Variants in ACER1 observed in about 807,000 individuals in gnomAD.
The protein encoded by ACER1 is CTB-180A7.3.
A neutral mutation model predicts 24.9 loss-of-function variants in ACER1; 28 were observed. The observed-to-expected ratio is 1.13, with a 90% CI of 0.83 to 1.54. The LOEUF (loss-of-function observed/expected upper bound fraction) is 1.54. Among genes scored for constraint, ACER1 ranks in the 40% most tolerant of loss-of-function variants. The probability of loss-of-function intolerance (pLI) is 0.00; values close to 1 mark genes in which losing one functional copy is unlikely to be tolerated. For missense variants in ACER1, 352 were observed against 349.3 expected, an observed-to-expected ratio of 1.01 and a Z score of -0.06; for synonymous variants, 132 against 131.4, an observed-to-expected ratio of 1.00 and a Z score of -0.03.
upstream of ACER1, among the ~76,000 whole-genome samples, chr19:6,337,634 TTTTTC>T (rs149909430): frequency 0.016 from 2,096 of 128,154 alleles, 70 homozygotes; most frequent in African/African-American, 0.037. Context: ...TTTCTTTTTC[TTTTTC>T]TTTTCTTTTC....
intron 3 of ACER1, 56 bp from the exon 4 acceptor site, chr19:6,309,890 A>T (rs2091569403): frequency 6.9e-6 from 11 of 1,605,460 alleles, no homozygotes; most frequent in Non-Finnish European, 9.4e-6. Flanking sequence ...GATTGTAGGC[A>T]TGGTCACTTG....
At chr19:6,352,954 A>G in the ACER1 span, among the ~76,000 whole-genome samples, 2 of 152,230 alleles carry the variant, frequency 1.3e-5, no homozygotes, top group African/African-American at 4.8e-5. Context: ...GGGCAGGTTG[A>G]TTTGGAGCCA....
At position 6,306,704 on chromosome 19, in the gene ACER1, C is replaced by G. The variant is rs1464737004; in HGVS notation, c.*10G>C. 6.3e-7 allele frequency: 1 copy of G among 1,595,718 alleles called. No homozygotes were observed. Among genetic ancestry groups the G allele is most frequent in the Non-Finnish European group, 8.6e-7 (1 of 1,168,896 alleles). On this transcript the variant is annotated 3_prime_UTR_variant, in exon 6 of 6. Transcript: ENST00000301452. The stretch of plus-strand genomic sequence containing the variant: ...GTTGGGTGGTTGGATAGTCAAGAGG[C>G]TGGCAGGTCTCAGCAGTCCTTGTCA...
intron 1 of ACER1, 82 bp downstream of exon 1, chr19:6,333,377 A>T (rs555980161): frequency 5.9e-6 from 7 of 1,190,838 alleles, no homozygotes; most frequent in Non-Finnish European, 8.2e-6. Flanking sequence ...CTCCAGCAAG[A>T]TTCCCCAGTA....
At chr19:6,318,702 C>T (rs1226112484) in intron 1 of ACER1, among the ~76,000 whole-genome samples, 1 of 150,476 alleles carries the variant, frequency 6.6e-6, no homozygotes, top group Non-Finnish European at 1.5e-5. Flanking sequence ...AGAAGAATGG[C>T]GTGAACCCGG....
At chr19:6,307,336 C>G (rs73559815) in intron 4 of ACER1, 46 bp from the exon 5 acceptor site, 1 of 1,600,546 alleles carries the variant, frequency 6.2e-7, no homozygotes, top group Non-Finnish European at 8.5e-7. Context: ...GAGAGCAGCA[C>G]CTGATGGGGC....
the ACER1 span, among the ~76,000 whole-genome samples, chr19:6,344,897 G>A: frequency 3.4e-5 from 5 of 149,164 alleles, no homozygotes; most frequent in South Asian, 2.1e-4. Context: ...ATGGAGTCTC[G>A]TTCTGTCATC....
At chr19:6,326,348 G>C (rs190415262) in intron 1 of ACER1, among the ~76,000 whole-genome samples, 1 of 151,864 alleles carries the variant, frequency 6.6e-6, no homozygotes, top group Non-Finnish European at 1.5e-5. Flanking sequence ...GGATGGTCTC[G>C]ATCTCCTGAC....
intron 4 of ACER1, among the ~76,000 whole-genome samples, chr19:6,308,383 C>T (rs1175577748): frequency 6.7e-6 from 1 of 148,380 alleles, no homozygotes; most frequent in Admixed American, 6.9e-5. Context: ...TGCAGTGAGC[C>T]GGGATCGCAC....
At chr19:6,318,333 G>T (rs2091613706) in intron 1 of ACER1, among the ~76,000 whole-genome samples, 1 of 151,950 alleles carries the variant, frequency 6.6e-6, no homozygotes, top group Non-Finnish European at 1.5e-5. Flanking sequence ...GCCAGGTGCG[G>T]TGGCGCATGC....
chr19:6,345,174 C>T, the ACER1 span, among the ~76,000 whole-genome samples: 8,607 of 152,190 alleles, frequency 0.057, 405 homozygotes, highest in African/African-American at 0.13. Flanking sequence ...GGATTACAGG[C>T]GTGAGCCACC....
At position 6,306,464 on chromosome 19, in the gene ACER1, A is replaced by C; in HGVS notation, c.*250T>G. 1 of 448,336 alleles carries C rather than the reference A, an allele frequency of 2.2e-6. No homozygotes were observed. 27.8% of individuals were successfully genotyped at this position (448,336 alleles called of 1,614,324 possible). A position where few individuals can be genotyped will look rare whatever the true frequency, so the allele number is the denominator to read the frequency against. ...GCTGTGGACACAGAGGAGGAAATGA[A>C]AGAGGATGGGGGGGGTCATGGAGGG... On this transcript the variant is annotated 3_prime_UTR_variant, in exon 6 of 6. Transcript: ENST00000301452.
chr19:6,350,264 G>A, the ACER1 span, among the ~76,000 whole-genome samples: 4 of 151,768 alleles, frequency 2.6e-5, no homozygotes, highest in East Asian at 1.9e-4. Context: ...TCAAGAGATC[G>A]AGACCATCCT....
chr19:6,318,118 G>A (rs1003676524), intron 1 of ACER1, among the ~76,000 whole-genome samples: 3 of 151,642 alleles, frequency 2.0e-5, no homozygotes, highest in Non-Finnish European at 2.9e-5. Context: ...TCAGGAGATC[G>A]AGACCATCCT....
chr19:6,347,848 ATAAGT>A, the ACER1 span, among the ~76,000 whole-genome samples: 2 of 151,684 alleles, frequency 1.3e-5, no homozygotes, highest in South Asian at 4.2e-4. Flanking sequence ...ACAACAACAA[ATAAGT>A]TATTAGGGCA....
At chr19:6,342,501 C>T in the ACER1 span, among the ~76,000 whole-genome samples, 1 of 151,682 alleles carries the variant, frequency 6.6e-6, no homozygotes, top group Non-Finnish European at 1.5e-5. Context: ...GGGCGGATCA[C>T]GAGGTCAGGA....
At chr19:6,326,080 G>C (rs1228903496) in intron 1 of ACER1, among the ~76,000 whole-genome samples, 3 of 151,090 alleles carry the variant, frequency 2.0e-5, no homozygotes, top group African/African-American at 7.3e-5. Context: ...TCAGCCTCCG[G>C]AGTAGCTGGG....
chr19:6,335,579 CT>C (rs1269220797), upstream of ACER1, among the ~76,000 whole-genome samples: 1 of 151,964 alleles, frequency 6.6e-6, no homozygotes, highest in Non-Finnish European at 1.5e-5. Context: ...GCCTGTAATC[CT>C]AGTGCTTTGG....
At chr19:6,331,503 G>A (rs1209109623) in intron 1 of ACER1, among the ~76,000 whole-genome samples, 1 of 149,270 alleles carries the variant, frequency 6.7e-6, no homozygotes, top group East Asian at 2.1e-4. Context: ...ATAGAACTAA[G>A]CACTACGAGG....
Sources: gnomAD v4.1 joint callset for allele counts (sites outside exome capture counted in the v4.1 genomes callset) on GRCh38, gnomAD v4.1.1 for gene constraint, MANE v1.5 for transcripts, NCBI Gene and HGNC (gene_info 2026-07-23, HGNC 2026-07-21) for gene names.